Variants in SSBP4 observed in about 807,000 individuals in gnomAD.
The protein encoded by SSBP4 is single-stranded DNA-binding protein 4.
A neutral mutation model predicts 64.6 loss-of-function variants in SSBP4; 33 were observed. That is an observed-to-expected ratio of 0.51 (90% CI 0.39 to 0.68). The LOEUF is 0.68. Among genes scored for constraint, SSBP4 ranks in the 30% least tolerant of loss-of-function variants. The pLI, the probability that SSBP4 is intolerant of heterozygous loss-of-function variation, is 0.00. For missense variants in SSBP4, 583 were observed against 566.8 expected (o/e 1.03, Z -0.29); for synonymous variants, 243 against 224.0 (o/e 1.08, Z -0.76).
chr19:18,405,604 A>C, the SSBP4 span, among the ~76,000 whole-genome samples: 1 of 151,802 alleles, frequency 6.6e-6, no homozygotes, highest in Non-Finnish European at 1.5e-5. Context: ...AGCCTCTGGG[A>C]CTCAGGTGAT....
intron 1 of SSBP4, chr19:18,425,782 T>C (rs750756187): frequency 6.6e-6 from 1 of 152,422 alleles, no homozygotes; most frequent in Non-Finnish European, 1.5e-5. Context: ...TCACAGCTCA[T>C]GTGGTGCAGT....
the SSBP4 span, among the ~76,000 whole-genome samples, chr19:18,407,013 T>C: frequency 6.6e-6 from 1 of 152,000 alleles, no homozygotes; most frequent in Admixed American, 6.6e-5. Context: ...GCCTCCTCTG[T>C]ATTTTTATAT....
chr19:18,433,483 CGCGTCGGCGGG>C (rs1973666673), intron 15 of SSBP4, 91 bp from the exon 16 acceptor site: 1 of 908,586 alleles, frequency 1.1e-6, no homozygotes, highest in African/African-American at 4.0e-5. Flanking sequence ...GGGGCGGGGG[CGCGTCGGCGGG>C]GGCAGCTTGC....
chr19:18,433,712 T>C lies in SSBP4; in HGVS notation c.1023T>C (p.Ser341=), dbSNP rs749005542. The C allele has an allele frequency of 8.4e-6, 12 of 1,427,324 alleles. 1 individual carries two copies. In the South Asian group the frequency reaches 1.5e-4, roughly 17 times the overall value. The allele number at this position is 1,427,324 out of a possible 1,614,324, so 88.4% of individuals were successfully genotyped here. The change falls in exon 17 of 18, where the codon AGT becomes AGC. Residue 341 remains serine (S), a splice_region_variant and synonymous_variant. Transcript: ENST00000270061. ...GAGCCGACGGCGGCCGCCCCCAGAGTTCCCCCGGCGCCGTGGCCGGCCTGA... is the reference window on the plus strand; with the variant it reads ...GAGCCGACGGCGGCCGCCCCCAGAGCTCCCCCGGCGCCGTGGCCGGCCTGA... ...GSGDMDGLPK[S]SPGAVAGLSN... is the part of the protein sequence containing the mutation.
At chr19:18,429,492 G>T (rs1193007692) in intron 4 of SSBP4, among the ~76,000 whole-genome samples, 1 of 151,114 alleles carries the variant, frequency 6.6e-6, no homozygotes, top group African/African-American at 2.4e-5. Flanking sequence ...GCGGTGGAGC[G>T]TCCCCGACCA....
At chr19:18,429,430 G>T (rs1466137841) in intron 4 of SSBP4, among the ~76,000 whole-genome samples, 2 of 150,058 alleles carry the variant, frequency 1.3e-5, no homozygotes, top group Admixed American at 1.3e-4. Flanking sequence ...GGGATTAACT[G>T]CTCAGGGCCT....
the SSBP4 span, among the ~76,000 whole-genome samples, chr19:18,413,450 G>T: frequency 6.6e-6 from 1 of 152,124 alleles, no homozygotes; most frequent in African/African-American, 2.4e-5. Flanking sequence ...CTGACCTCAG[G>T]TGATCCACTC....
chr19:18,416,140 G>T (rs1972129161), upstream of SSBP4, among the ~76,000 whole-genome samples: 1 of 152,010 alleles, frequency 6.6e-6, no homozygotes, highest in Non-Finnish European at 1.5e-5. Context: ...TCAGCCTCCT[G>T]AGTAGCTGGG....
intron 1 of SSBP4, chr19:18,420,030 T>A (rs1027803152): frequency 1.2e-4 from 19 of 157,240 alleles, no homozygotes; most frequent in African/African-American, 4.7e-4. Context: ...GGCGCGAGAT[T>A]TGAGGGGGCG....
chr19:18,406,565 T>C, the SSBP4 span, among the ~76,000 whole-genome samples: 7 of 152,024 alleles, frequency 4.6e-5, no homozygotes, highest in East Asian at 1.4e-3. Context: ...GGAGGATCCG[T>C]TGGGCCCAGG....
At chr19:18,415,365 A>T (rs1972124064), upstream of SSBP4, among the ~76,000 whole-genome samples, 1 of 152,122 alleles carries the variant, frequency 6.6e-6, no homozygotes, top group African/African-American at 2.4e-5. Context: ...AAAAACCACC[A>T]GCAGGAAAAC....
upstream of SSBP4, among the ~76,000 whole-genome samples, chr19:18,414,553 G>A (rs1000697465): frequency 1.3e-5 from 2 of 152,200 alleles, no homozygotes; most frequent in Admixed American, 1.3e-4. Context: ...ATTACCAGAG[G>A]ATGGAAGCCA....
At chr19:18,410,481 T>C in the SSBP4 span, among the ~76,000 whole-genome samples, 35 of 151,812 alleles carry the variant, frequency 2.3e-4, no homozygotes, top group African/African-American at 8.2e-4. Context: ...TAGAAAAAAA[T>C]ATGGACAAAC....
Position 18,431,766 on chromosome 19 carries a change from C to T in SSBP4, c.496-27C>T, listed in dbSNP as rs770254222. On this transcript the variant is annotated intron_variant, in intron 7 of 17. Coordinates refer to ENST00000270061, the MANE Select transcript of SSBP4 (RefSeq NM_032627.5). The stretch of plus-strand genomic sequence containing the variant: ...TGGGCCGGGGAGGGAGCACCCCACA[C>T]TCAGTGCCGCCGCACCCCCTCCGCA... The T allele has an allele frequency of 8.4e-5, 129 of 1,531,402 alleles. No homozygotes were observed. In the Admixed American group the frequency reaches 1.0e-3, roughly 12 times the overall value. The allele number at this position is 1,531,402 out of a possible 1,614,324, so 94.9% of individuals were successfully genotyped here.
chr19:18,433,869 TGGCGGGCAGGCCCCGGCGG>T (rs1471441746), intron 17 of SSBP4, 52 bp downstream of exon 17: 1 of 1,086,394 alleles, frequency 9.2e-7, no homozygotes, highest in East Asian at 4.0e-5. Flanking sequence ...CCGGAGGGGC[TGGCGGGCAGGCCCCGGCGG>T]GGCGGCCGGG....
At chr19:18,434,096 C>G (rs906879471) in intron 17 of SSBP4, 121 bp from the exon 18 acceptor site, 2 of 1,470,452 alleles carry the variant, frequency 1.4e-6, no homozygotes, top group Admixed American at 2.6e-5. Flanking sequence ...CCCTCCTGTC[C>G]CCACCCCATG....
chr19:18,429,953 A>G (rs1973209412), intron 4 of SSBP4, among the ~76,000 whole-genome samples: 1 of 152,140 alleles, frequency 6.6e-6, no homozygotes, highest in Non-Finnish European at 1.5e-5. Context: ...CCCTTGCAGC[A>G]GTCCCTGAGG....
At chr19:18,432,927 T>C (rs1263559912) in intron 13 of SSBP4, 44 bp downstream of exon 13, 1 of 1,614,036 alleles carries the variant, frequency 6.2e-7, no homozygotes, top group Non-Finnish European at 8.5e-7. Flanking sequence ...GTGGGTGTGT[T>C]TGGGGGAAAC....
chr19:18,433,999 TC>T lies in SSBP4; in HGVS notation c.1128+184del, dbSNP rs1310728288. 20 of 733,670 alleles carry T rather than the reference TC, an allele frequency of 2.7e-5. No individual in the cohort carries two copies. In the Admixed American group the frequency reaches 1.1e-3, roughly 41 times the overall value. 45.4% of individuals were successfully genotyped at this position (733,670 alleles called of 1,614,324 possible). A position where few individuals can be genotyped will look rare whatever the true frequency, so the allele number is the denominator to read the frequency against. ...CTCCCCACCCCCCACCACCTCCCGCTCCTATTTCACCGTCCCGATCCCATCC... is the reference window on the plus strand; with the variant it reads ...CTCCCCACCCCCCACCACCTCCCGCTCTATTTCACCGTCCCGATCCCATCC... On this transcript the variant is annotated intron_variant, in intron 17 of 17. Coordinates refer to ENST00000270061, the MANE Select transcript of SSBP4 (RefSeq NM_032627.5).
Sources: gnomAD v4.1 joint callset for allele counts (sites outside exome capture counted in the v4.1 genomes callset) on GRCh38, gnomAD v4.1.1 for gene constraint, MANE v1.5 for transcripts, NCBI Gene and HGNC (gene_info 2026-07-23, HGNC 2026-07-21) for gene names.